NOL4L: variants seen among roughly 807,000 people sequenced by gnomAD.
The protein encoded by NOL4L is nucleolar protein 4 like, also known as nucleolar protein 4-like.
Under a neutral mutation model 64.5 loss-of-function variants are expected in NOL4L, and 7 were observed. The observed-to-expected ratio is 0.11, with a 90% CI of 0.06 to 0.20. The LOEUF (loss-of-function observed/expected upper bound fraction) is 0.20. Ranked by LOEUF, NOL4L falls within the 10% of genes least tolerant of loss-of-function variation. The pLI is 1.00. For missense variants in NOL4L, 680 were observed against 967.1 expected, an observed-to-expected ratio of 0.70 and a Z score of 3.94; for synonymous variants, 413 against 401.0, an observed-to-expected ratio of 1.03 and a Z score of -0.36.
intron 1 of NOL4L, among the ~76,000 whole-genome samples, chr20:32,562,044 A>G (rs1296162451): frequency 6.6e-6 from 1 of 152,164 alleles, no homozygotes; most frequent in East Asian, 1.9e-4. Context: ...GTGCTCAATG[A>G]AAGACCACAG....
intron 4 of NOL4L, among the ~76,000 whole-genome samples, chr20:32,492,982 C>G (rs1414449007): frequency 6.6e-6 from 1 of 152,118 alleles, no homozygotes; most frequent in Non-Finnish European, 1.5e-5. Flanking sequence ...CGACCTCCAG[C>G]AGAGCAGGAG....
chr20:32,545,751 C>T (rs370593950), intron 1 of NOL4L, among the ~76,000 whole-genome samples: 94 of 152,300 alleles, frequency 6.2e-4, no homozygotes, highest in African/African-American at 2.0e-3. Flanking sequence ...CTGCATTCTC[C>T]GCTGTCCCAG....
chr20:32,462,919 A>AAAAAAAAAAAAAAAC (rs1303278206), intron 5 of NOL4L, among the ~76,000 whole-genome samples: 4 of 150,852 alleles, frequency 2.7e-5, no homozygotes, highest in Non-Finnish European at 5.9e-5. Flanking sequence ...AAAAAAAAAA[A>AAAAAAAAAAAAAAAC]AAAACTGATT....
At chr20:32,480,501 A>AC (rs2015649253) in intron 4 of NOL4L, among the ~76,000 whole-genome samples, 1 of 152,154 alleles carries the variant, frequency 6.6e-6, no homozygotes, top group African/African-American at 2.4e-5. Context: ...CACCAGCTCT[A>AC]TCCCAAAGCG....
chr20:32,564,481 C>T (rs959151637), intron 1 of NOL4L, among the ~76,000 whole-genome samples: 3 of 152,194 alleles, frequency 2.0e-5, no homozygotes, highest in African/African-American at 7.2e-5. Flanking sequence ...CAGCCCATCT[C>T]GCTGCTGAGC....
chr20:32,461,413 TTTCTTTTC>T (rs2014037737), intron 5 of NOL4L, among the ~76,000 whole-genome samples: 1 of 54,410 alleles, frequency 1.8e-5, no homozygotes, highest in African/African-American at 8.1e-5. Flanking sequence ...CCCCTCTACC[TTTCTTTTC>T]TTTTTTTTTT....
chr20:32,488,965 CT>C (rs1174304651), intron 4 of NOL4L, among the ~76,000 whole-genome samples: 636 of 45,086 alleles, frequency 0.014, 15 homozygotes, highest in African/African-American at 0.052. Context: ...AATTGTTGGT[CT>C]TTTTTTTTTT....
chr20:32,487,682 C>T (rs947715971), intron 4 of NOL4L, among the ~76,000 whole-genome samples: 2 of 152,122 alleles, frequency 1.3e-5, no homozygotes, highest in Non-Finnish European at 2.9e-5. Context: ...GGTGTGTGGG[C>T]TTTACACTGG....
intron 6 of NOL4L, among the ~76,000 whole-genome samples, chr20:32,454,951 G>A (rs760207213): frequency 1.3e-5 from 2 of 152,190 alleles, no homozygotes; most frequent in African/African-American, 2.4e-5. Flanking sequence ...AGGCCCGCAG[G>A]GGTTGGTGCC....
intron 4 of NOL4L, among the ~76,000 whole-genome samples, chr20:32,484,706 C>T (rs952252728): frequency 4.6e-5 from 7 of 152,104 alleles, no homozygotes; most frequent in African/African-American, 9.7e-5. Flanking sequence ...CCAGCCCAGA[C>T]CCGGGCACGC....
intron 5 of NOL4L, among the ~76,000 whole-genome samples, chr20:32,462,925 T>G (rs1209932280): frequency 7.6e-5 from 5 of 66,004 alleles, no homozygotes; most frequent in African/African-American, 6.8e-5. Flanking sequence ...AAAAAAAAAC[T>G]GATTTAAAAG....
intron 1 of NOL4L, chr20:32,533,407 C>T (rs1416623575): frequency 6.6e-6 from 1 of 152,114 alleles, no homozygotes; most frequent in South Asian, 2.1e-4. Flanking sequence ...TTTAACAGGC[C>T]CCCCCAGATG....
intron 4 of NOL4L, among the ~76,000 whole-genome samples, chr20:32,496,498 A>G (rs2016692860): frequency 1.3e-5 from 2 of 151,966 alleles, no homozygotes; most frequent in African/African-American, 4.8e-5. Flanking sequence ...GACCTCCAGC[A>G]TGTAGTAGGA....
chr20:32,575,835 C>G (rs1309584130), intron 1 of NOL4L, among the ~76,000 whole-genome samples: 1 of 152,178 alleles, frequency 6.6e-6, no homozygotes, highest in Non-Finnish European at 1.5e-5. Context: ...TAAGGTGGGC[C>G]TCACTGGGTG....
chr20:32,476,856 G>GA, intron 4 of NOL4L, among the ~76,000 whole-genome samples: 1 of 152,382 alleles, frequency 6.6e-6, no homozygotes. Context: ...CCACGGGTCA[G>GA]AAATGCTGGA....
intron 10 of NOL4L, among the ~76,000 whole-genome samples, chr20:32,448,673 G>A (rs1365539640): frequency 7.9e-5 from 12 of 152,202 alleles, no homozygotes; most frequent in African/African-American, 1.7e-4. Context: ...ACTCAGACTC[G>A]CTTCTGGAGA....
chr20:32,500,325 T>C lies in NOL4L; in HGVS notation c.699+11022A>G, dbSNP rs146589484. ...TTGGCCTCCCAAAGTGTTGGGATAA[T>C]GGGTGTAAGCCACCATGCCCAGCCA... On this transcript the variant is annotated intron_variant, in intron 4 of 10. Coordinates refer to ENST00000621426, the MANE Select transcript of NOL4L (RefSeq NM_001256798.2). 1.3e-3 allele frequency among the ~76,000 whole-genome samples: 200 copies of C among 151,488 alleles called. 1 individual carries two copies. The Middle Eastern group carries it at 0.014, about 11-fold the overall frequency.
chr20:32,569,500 G>A (rs1979632036), intron 1 of NOL4L, among the ~76,000 whole-genome samples: 2 of 152,166 alleles, frequency 1.3e-5, no homozygotes, highest in Non-Finnish European at 2.9e-5. Context: ...TGGGGTAGGA[G>A]GTAGTGATGG....
At chr20:32,466,339 C>CA (rs935826267) in intron 5 of NOL4L, among the ~76,000 whole-genome samples, 1 of 152,136 alleles carries the variant, frequency 6.6e-6, no homozygotes, top group Non-Finnish European at 1.5e-5. Flanking sequence ...GCATCCCAGA[C>CA]AAGGCCAGGG....
Sources: allele counts gnomAD v4.1 joint callset (sites outside exome capture counted in the v4.1 genomes callset), GRCh38; gene constraint gnomAD v4.1.1; transcripts MANE v1.5; gene names NCBI Gene and HGNC (gene_info 2026-07-23, HGNC 2026-07-21).